The following TRIM24 variants were observed in gnomAD, a reference collection of about 807,000 sequenced individuals.
TRIM24 encodes tripartite motif containing 24.
A neutral mutation model predicts 123.9 loss-of-function variants in TRIM24; 29 were observed. That is an observed-to-expected ratio of 0.23 (90% CI 0.17 to 0.32). The LOEUF is 0.32. Among genes scored for constraint, TRIM24 ranks in the 10% least tolerant of loss-of-function variants. The pLI, the probability that TRIM24 is intolerant of heterozygous loss-of-function variation, is 1.00. For missense variants in TRIM24, 932 were observed against 1,295.3 expected, an observed-to-expected ratio of 0.72 and a Z score of 4.31; for synonymous variants, 456 against 461.1, an observed-to-expected ratio of 0.99 and a Z score of 0.14.
At chr7:138,488,188 T>C (rs1447328063) in intron 1 of TRIM24, among the ~76,000 whole-genome samples, 1 of 152,194 alleles carries the variant, frequency 6.6e-6, no homozygotes, top group Non-Finnish European at 1.5e-5. Flanking sequence ...TCGGTGGTGA[T>C]ATCCCCTTTG....
intron 16 of TRIM24, among the ~76,000 whole-genome samples, chr7:138,580,971 A>T (rs1277587474): frequency 6.6e-6 from 1 of 152,124 alleles, no homozygotes; most frequent in Non-Finnish European, 1.5e-5. Context: ...GTAAATTTCT[A>T]TTTTGTTTTA....
At chr7:138,531,697 T>A (rs1195415281) in intron 6 of TRIM24, among the ~76,000 whole-genome samples, 2 of 152,238 alleles carry the variant, frequency 1.3e-5, no homozygotes, top group African/African-American at 4.8e-5. Context: ...TGTGTCTTTA[T>A]AGCAGCATGA....
intron 16 of TRIM24, among the ~76,000 whole-genome samples, chr7:138,581,229 C>T (rs957572508): frequency 3.3e-5 from 5 of 152,150 alleles, no homozygotes; most frequent in Admixed American, 6.5e-5. Context: ...CAAGAGGGGA[C>T]GTGCCCATTC....
chr7:138,577,425 G>T lies in TRIM24; in HGVS notation c.2093G>T (p.Gly698Val). The change falls in exon 14 of 19, where the codon GGC (glycine) becomes GTC (valine). Residue 698 changes from glycine (G) to valine (V), a missense_variant. Gly to Val is a moderately radical substitution (Grantham distance 109). Transcript: ENST00000343526. ...ASSVGSRGSS[G>V]SSSKPAGADS... ...CTTCTCTCTCATACTTACAGCTCTG[G>T]CTCTTCCAGCAAACCAGCAGGAGCT... 6.4e-7 allele frequency: 1 copy of T among 1,565,036 alleles called. No individual in the cohort carries two copies. Among genetic ancestry groups the T allele is most frequent in the Non-Finnish European group, 8.6e-7 (1 of 1,158,386 alleles).
At chr7:138,557,911 G>A (rs564906390) in intron 9 of TRIM24, among the ~76,000 whole-genome samples, 51 of 151,804 alleles carry the variant, frequency 3.4e-4, no homozygotes, top group Non-Finnish European at 6.0e-4. Flanking sequence ...TCCATCTTCC[G>A]CCCAGGTGGC....
intron 2 of TRIM24, among the ~76,000 whole-genome samples, chr7:138,512,101 C>T (rs2116548525): frequency 6.6e-6 from 1 of 152,276 alleles, no homozygotes; most frequent in South Asian, 2.1e-4. Context: ...AAAATAATCC[C>T]CTTTGACTTC....
chr7:138,589,635 G>T lies in TRIM24; in HGVS notation c.*4684G>T, dbSNP rs1175374634. Reference sequence around the variant, plus strand: ...AAGGAAAGCGGGTGGTAAGTATCTTGGATTATTCTGCCTCATACCAGCCAC... The same window carrying T: ...AAGGAAAGCGGGTGGTAAGTATCTTTGATTATTCTGCCTCATACCAGCCAC... On this transcript the variant is annotated 3_prime_UTR_variant, in exon 19 of 19. Coordinates refer to ENST00000343526, the MANE Select transcript of TRIM24 (RefSeq NM_015905.3). The T allele has an allele frequency of 1.3e-5, 2 of 152,178 alleles. No homozygotes were observed. Among genetic ancestry groups the T allele is most frequent in the East Asian group, 3.9e-4 (2 of 5,182 alleles). 9.4% of individuals were successfully genotyped at this position (152,178 alleles called of 1,614,324 possible).
intron 6 of TRIM24, among the ~76,000 whole-genome samples, chr7:138,529,916 G>C (rs759406496): frequency 3.9e-5 from 6 of 152,004 alleles, no homozygotes; most frequent in Non-Finnish European, 8.8e-5. Flanking sequence ...AAAGCATATT[G>C]ATACAGTAAA....
intron 10 of TRIM24, among the ~76,000 whole-genome samples, chr7:138,569,969 A>G (rs113783986): frequency 0.019 from 2,670 of 143,018 alleles, 67 homozygotes; most frequent in African/African-American, 0.064. Flanking sequence ...TTTTTGAGGC[A>G]GAATCTCTCT....
chr7:138,555,938 C>T (rs1201716219), intron 9 of TRIM24, among the ~76,000 whole-genome samples: 1 of 152,154 alleles, frequency 6.6e-6, no homozygotes, highest in Non-Finnish European at 1.5e-5. Context: ...TACCGTAGCA[C>T]ATTACACTGG....
At chr7:138,512,958 AG>A (rs1307438144) in intron 2 of TRIM24, among the ~76,000 whole-genome samples, 2 of 152,200 alleles carry the variant, frequency 1.3e-5, no homozygotes, top group African/African-American at 4.8e-5. Context: ...GCTCATACAT[AG>A]GAGCATAGGT....
chr7:138,523,177 A>G (rs1796538254), intron 4 of TRIM24, among the ~76,000 whole-genome samples: 1 of 152,212 alleles, frequency 6.6e-6, no homozygotes. Flanking sequence ...TGTATGAGTG[A>G]TTGAGAGAGC....
chr7:138,508,283 T>G (rs1392282402), intron 2 of TRIM24, among the ~76,000 whole-genome samples: 1 of 152,168 alleles, frequency 6.6e-6, no homozygotes, highest in East Asian at 1.9e-4. Flanking sequence ...AAAAATGTAG[T>G]GGCTTGTTTA....
chr7:138,508,692 T>TGTGTGCGCACGCGC (rs1422176564), intron 2 of TRIM24, among the ~76,000 whole-genome samples: 1 of 137,214 alleles, frequency 7.3e-6, no homozygotes, highest in Non-Finnish European at 1.6e-5. Flanking sequence ...TGTGTGTGTG[T>TGTGTGCGCACGCGC]GCGCGCGCGT....
chr7:138,485,156 T>A (rs1795616339), intron 1 of TRIM24, among the ~76,000 whole-genome samples: 1 of 152,254 alleles, frequency 6.6e-6, no homozygotes, highest in Middle Eastern at 3.4e-3. Flanking sequence ...TTTATTAATT[T>A]CCTTTTATTT....
chr7:138,472,172 C>G (rs765100560), intron 1 of TRIM24, among the ~76,000 whole-genome samples: 6 of 151,318 alleles, frequency 4.0e-5, no homozygotes, highest in Non-Finnish European at 7.4e-5. Context: ...TAAGGTAATA[C>G]TTAAGGGGAG....
rs1207259100 is a variant in TRIM24, at chr7:138,537,282, G to A, written c.997-1375G>A. ...ACCCGGTACCTCAGTTGGAAATGCAGAAATCACCCATCTTCTGCGTCACTC... is the reference window on the plus strand; with the variant it reads ...ACCCGGTACCTCAGTTGGAAATGCAAAAATCACCCATCTTCTGCGTCACTC... On this transcript the variant is annotated intron_variant, in intron 6 of 18. Transcript: ENST00000343526. Among the ~76,000 whole-genome samples, 3 of 149,150 alleles carry A rather than the reference G, an allele frequency of 2.0e-5. No individual in the cohort carries two copies. In the Admixed American group the frequency reaches 2.0e-4, roughly 10 times the overall value.
chr7:138,510,272 G>C (rs138533793), intron 2 of TRIM24, among the ~76,000 whole-genome samples: 112 of 152,334 alleles, frequency 7.4e-4, no homozygotes, highest in Non-Finnish European at 1.4e-3. Flanking sequence ...TGCAGAATAA[G>C]AGTTTATACT....
At chr7:138,546,856 C>T (rs1073255) in intron 7 of TRIM24, among the ~76,000 whole-genome samples, 2,772 of 152,210 alleles carry the variant, frequency 0.018, 70 homozygotes, top group African/African-American at 0.061. Flanking sequence ...TAAATTAGTA[C>T]AACCATAGAA....
Sources: allele counts gnomAD v4.1 joint callset (sites outside exome capture counted in the v4.1 genomes callset), GRCh38; gene constraint gnomAD v4.1.1; transcripts MANE v1.5; gene names NCBI Gene and HGNC (gene_info 2026-07-23, HGNC 2026-07-21).